The following AKR1C4 variants were observed in gnomAD, a reference collection of about 807,000 sequenced individuals.
The protein encoded by AKR1C4 is 3-alpha-HSD1.
In AKR1C4, 44 loss-of-function variants were observed where a neutral mutation model predicts 41.0. That is an observed-to-expected ratio of 1.07 (90% CI 0.84 to 1.38). AKR1C4 has a LOEUF of 1.38. Among genes scored for constraint, AKR1C4 ranks in the 40% most tolerant of loss-of-function variants. The probability of loss-of-function intolerance (pLI) is 0.00; values close to 1 mark genes in which losing one functional copy is unlikely to be tolerated. For missense variants in AKR1C4, 438 were observed against 387.9 expected (o/e 1.13, Z -1.09); for synonymous variants, 165 against 137.7 (o/e 1.20, Z -1.39).
intron 2 of AKR1C4, among the ~76,000 whole-genome samples, chr10:5,200,688 A>G (rs1832387553): frequency 6.6e-6 from 1 of 152,204 alleles, no homozygotes; most frequent in African/African-American, 2.4e-5. Context: ...TGATTCTGAG[A>G]TTTAAGTGAA....
chr10:5,205,666 A>G, intron 3 of AKR1C4, 91 bp from the exon 4 acceptor site: 1 of 1,101,806 alleles, frequency 9.1e-7, no homozygotes, highest in South Asian at 1.5e-5. Flanking sequence ...CACCTACCTC[A>G]CGGTGGATTA....
chr10:5,215,759 A>G (rs1832647310), intron 7 of AKR1C4, among the ~76,000 whole-genome samples: 1 of 152,208 alleles, frequency 6.6e-6, no homozygotes, highest in South Asian at 2.1e-4. Flanking sequence ...TCATTAGCCT[A>G]AACTTAGTTG....
chr10:5,200,364 T>A lies in AKR1C4; in HGVS notation c.252+16T>A. ...CACTTCAAAGGTACTGTGCCTATGA[T>A]GAGCATGTATGCACATGTGTTTAAT... On this transcript the variant is annotated intron_variant, in intron 2 of 8. Coordinates refer to ENST00000263126, the MANE Select transcript of AKR1C4 (RefSeq NM_001818.5). 1 of 1,607,618 alleles carries A rather than the reference T, an allele frequency of 6.2e-7. No homozygotes were observed. Among genetic ancestry groups the A allele is most frequent in the Non-Finnish European group, 8.5e-7 (1 of 1,176,730 alleles).
chr10:5,204,278 T>C, intron 2 of AKR1C4, 99 bp from the exon 3 acceptor site: 2 of 915,498 alleles, frequency 2.2e-6, no homozygotes, highest in Non-Finnish European at 1.7e-6. Context: ...AGAGGTCATC[T>C]GTTTGGAACG....
intron 5 of AKR1C4, among the ~76,000 whole-genome samples, chr10:5,211,979 G>A (rs1832582306): frequency 6.6e-6 from 1 of 152,094 alleles, no homozygotes; most frequent in Admixed American, 6.5e-5. Flanking sequence ...AACAACACAG[G>A]AAAGACCCAT....
intron 5 of AKR1C4, among the ~76,000 whole-genome samples, chr10:5,211,905 G>C (rs9423555): frequency 0.038 from 5,833 of 152,242 alleles, 165 homozygotes; most frequent in Non-Finnish European, 0.058. Flanking sequence ...CAAAGAGACA[G>C]CTTGTGCAGG....
intron 5 of AKR1C4, among the ~76,000 whole-genome samples, chr10:5,209,526 A>G (rs1384769193): frequency 1.3e-5 from 2 of 152,274 alleles, no homozygotes; most frequent in East Asian, 3.9e-4. Flanking sequence ...AATAATCACT[A>G]TATTAGTCCA....
chr10:5,206,160 ACTG>A, intron 4 of AKR1C4, 112 bp from the exon 5 acceptor site: 16 of 1,522,632 alleles, frequency 1.1e-5, no homozygotes, highest in Non-Finnish European at 1.4e-5. Flanking sequence ...CTTGAGAATC[ACTG>A]CTATTTTCAT....
chr10:5,208,871 TGAA>T (rs1487624626), intron 5 of AKR1C4, among the ~76,000 whole-genome samples: 4 of 149,412 alleles, frequency 2.7e-5, no homozygotes, highest in African/African-American at 7.6e-5. Flanking sequence ...TATAAAACAA[TGAA>T]GAATAAATAA....
chr10:5,205,658 C>A, intron 3 of AKR1C4, 99 bp from the exon 4 acceptor site: 1 of 1,005,454 alleles, frequency 9.9e-7, no homozygotes, highest in Non-Finnish European at 1.5e-6. Flanking sequence ...CATTTCAGCA[C>A]CTACCTCACG....
chr10:5,208,798 T>G (rs1832527113), intron 5 of AKR1C4, among the ~76,000 whole-genome samples: 1 of 151,060 alleles, frequency 6.6e-6, no homozygotes, highest in Admixed American at 6.6e-5. Flanking sequence ...AAAGATACCA[T>G]AAGATATTAA....
intron 4 of AKR1C4, 106 bp downstream of exon 4, chr10:5,205,940 T>C: frequency 8.3e-7 from 1 of 1,210,624 alleles, no homozygotes; most frequent in East Asian, 2.4e-5. Flanking sequence ...GAACTAGAAA[T>C]TAAGGAGCTT....
intron 2 of AKR1C4, among the ~76,000 whole-genome samples, chr10:5,200,592 ATAAT>A (rs1267463187): frequency 5.9e-5 from 9 of 152,242 alleles, no homozygotes; most frequent in African/African-American, 1.7e-4. Context: ...TCAGATCAGT[ATAAT>A]TATTTTATGA....
intron 8 of AKR1C4, among the ~76,000 whole-genome samples, chr10:5,218,075 A>T (rs1401289364): frequency 6.6e-6 from 1 of 152,236 alleles, no homozygotes; most frequent in Non-Finnish European, 1.5e-5. Flanking sequence ...AAGAGTGGCA[A>T]ACATCAGTAA....
At chr10:5,206,208 T>G in intron 4 of AKR1C4, 67 bp from the exon 5 acceptor site, 1 of 1,607,520 alleles carries the variant, frequency 6.2e-7, no homozygotes. Context: ...TTAACAGTTC[T>G]GTCTTGCATT....
At chr10:5,202,975 GTGTGTGT>G (rs1187797135) in intron 2 of AKR1C4, among the ~76,000 whole-genome samples, 1 of 132,630 alleles carries the variant, frequency 7.5e-6, no homozygotes, top group Non-Finnish European at 1.7e-5. Context: ...GTGTGTGTGT[GTGTGTGT>G]TATGTCCTTT....
At chr10:5,210,191 C>CT (rs1464036934) in intron 5 of AKR1C4, among the ~76,000 whole-genome samples, 1 of 152,148 alleles carries the variant, frequency 6.6e-6, no homozygotes, top group Non-Finnish European at 1.5e-5. Context: ...AAATGATCTC[C>CT]TTTGACTCCA....
At chr10:5,211,330 G>A (rs1354045291) in intron 5 of AKR1C4, among the ~76,000 whole-genome samples, 3 of 152,156 alleles carry the variant, frequency 2.0e-5, no homozygotes, top group Non-Finnish European at 2.9e-5. Flanking sequence ...TTTTCTGAAC[G>A]TTTATGCTGT....
chr10:5,203,176 C>T (rs1554797108), intron 2 of AKR1C4, among the ~76,000 whole-genome samples: 2 of 152,104 alleles, frequency 1.3e-5, no homozygotes, highest in Non-Finnish European at 2.9e-5. Flanking sequence ...GGCCAGGTGC[C>T]AGCCTTCTGC....
Sources: gnomAD v4.1 joint callset for allele counts (sites outside exome capture counted in the v4.1 genomes callset) on GRCh38, gnomAD v4.1.1 for gene constraint, MANE v1.5 for transcripts, NCBI Gene and HGNC (gene_info 2026-07-23, HGNC 2026-07-21) for gene names.